The following CAT variants were observed in gnomAD, a reference collection of about 807,000 sequenced individuals.
The protein encoded by CAT is catalase.
Under a neutral mutation model 59.0 loss-of-function variants are expected in CAT, and 43 were observed. The ratio of observed to expected loss-of-function variants is 0.73; its 90% confidence interval spans 0.57 to 0.94. The LOEUF (loss-of-function observed/expected upper bound fraction) is 0.94, where lower values mean the gene tolerates loss of function less well. CAT is among the 40% of genes least tolerant of loss of function. The pLI is 0.00. For missense variants in CAT, 664 were observed against 682.9 expected, an observed-to-expected ratio of 0.97 and a Z score of 0.31; for synonymous variants, 218 against 230.9, an observed-to-expected ratio of 0.94 and a Z score of 0.51.
At chr11:34,461,052 G>A (rs902539402) in intron 8 of CAT, 199 bp from the exon 9 acceptor site, 6 of 668,280 alleles carry the variant, frequency 9.0e-6, no homozygotes, top group African/African-American at 8.9e-5. Context: ...GAGGGCCTGG[G>A]AAATTCAGAA....
intron 2 of CAT, among the ~76,000 whole-genome samples, chr11:34,450,458 G>A (rs1856511477): frequency 6.6e-6 from 1 of 152,178 alleles, no homozygotes; most frequent in Non-Finnish European, 1.5e-5. Flanking sequence ...TTTTCTCTTA[G>A]CTTGCTGACT....
chr11:34,449,612 A>G (rs1318176283), intron 2 of CAT, among the ~76,000 whole-genome samples: 1 of 152,256 alleles, frequency 6.6e-6, no homozygotes, highest in Non-Finnish European at 1.5e-5. Context: ...AAGGAATAAA[A>G]ATACAATAAG....
intron 11 of CAT, chr11:34,470,695 C>A: frequency 2.0e-6 from 1 of 492,810 alleles, no homozygotes; most frequent in Non-Finnish European, 3.7e-6. Context: ...GATTAGGTGT[C>A]ATTTTCTTGC....
At chr11:34,452,271 T>C (rs1856533172) in intron 4 of CAT, 64 bp downstream of exon 4, 1 of 1,525,682 alleles carries the variant, frequency 6.6e-7, no homozygotes, top group African/African-American at 1.4e-5. Context: ...TCAAATAGGT[T>C]GGCATTTGAG....
chr11:34,465,295 G>A (rs1856702338), intron 10 of CAT, among the ~76,000 whole-genome samples: 1 of 152,146 alleles, frequency 6.6e-6, no homozygotes. Flanking sequence ...TCGCTGTGAG[G>A]ATATCTTTGC....
chr11:34,460,623 A>AT lies in CAT; in HGVS notation c.1057-617dup, dbSNP rs1249336440. 1,459 of 151,318 alleles carry AT rather than the reference A, an allele frequency of 9.6e-3. 6 individuals are homozygous for AT. The highest frequency in any genetic ancestry group is 0.015 in the Non-Finnish European group (1,017 of 69,228). The allele number at this position is 151,318 out of a possible 1,614,324, so 9.4% of individuals were successfully genotyped here. The stretch of plus-strand genomic sequence containing the variant: ...GCCACCATGCTCGGCTAATGTTTTA[A>AT]TTTTTTTTTTTGTAGAGACAGGTCT... On this transcript the variant is annotated intron_variant, in intron 8 of 12. Transcript: ENST00000241052.
intron 1 of CAT, among the ~76,000 whole-genome samples, chr11:34,448,677 A>T (rs1225174279): frequency 1.3e-5 from 2 of 152,142 alleles, no homozygotes; most frequent in Non-Finnish European, 2.9e-5. Context: ...TTTTAATTGA[A>T]AAGAGATGTT....
chr11:34,448,780 A>G (rs557732522), intron 1 of CAT, among the ~76,000 whole-genome samples: 1 of 152,292 alleles, frequency 6.6e-6, no homozygotes, highest in East Asian at 1.9e-4. Context: ...AGTTCTGAGT[A>G]AAGTATTGAC....
rs1279033608 is a variant in CAT, at chr11:34,439,074, G to T, written c.61G>T (p.Ala21Ser). Reference sequence around the variant, plus strand: ...GCAGCACTGGAAGGAGCAGCGGGCCGCGCAGGTACACTCTGTGCTCCCCGA... The same window carrying T: ...GCAGCACTGGAAGGAGCAGCGGGCCTCGCAGGTACACTCTGTGCTCCCCGA... ...QMQHWKEQRAAQKADVLTTGA... is the reference protein window; with the variant it reads ...QMQHWKEQRASQKADVLTTGA... Residue 21 changes from alanine to serine, a missense_variant, in exon 1 of 13, where the codon GCG becomes TCG. Physicochemically the swap from Ala to Ser is moderately conservative, Grantham distance 99. Coordinates refer to ENST00000241052, the MANE Select transcript of CAT (RefSeq NM_001752.4). 4 of 1,589,100 alleles carry T rather than the reference G, an allele frequency of 2.5e-6. No homozygotes were observed. Among genetic ancestry groups the T allele is most frequent in the Non-Finnish European group, 3.4e-6 (4 of 1,167,848 alleles).
Position 34,459,009 on chromosome 11 carries a change from G to GT in CAT, c.1056+2202dup, listed in dbSNP as rs74373184. On this transcript the variant is annotated intron_variant, in intron 8 of 12. Coordinates refer to ENST00000241052, the MANE Select transcript of CAT (RefSeq NM_001752.4). ...AAATTCAGTGTACTCTTTATAGGTT[G>GT]TTTTTTTTTTAAATGAGTTTTAGAA... Among the ~76,000 whole-genome samples the GT allele has an allele frequency of 1.6e-3, 233 of 148,824 alleles. No individual in the cohort carries two copies. The East Asian group carries it at 0.026, about 17-fold the overall frequency.
rs1590303143 is a variant in CAT at position 34,453,901 on chromosome 11, C to G, written c.686C>G (p.Ala229Gly). Residue 229 changes from alanine (A) to glycine (G), a missense_variant, in exon 6 of 13, where the codon GCA becomes GGA. Coordinates refer to ENST00000241052, the MANE Select transcript of CAT (RefSeq NM_001752.4). The stretch of plus-strand genomic sequence containing the variant: ...AAGCTGGTTAATGCAAATGGGGAGG[C>G]AGTTTATTGCAAATTCCATTATAAG... ...TFKLVNANGE[A>G]VYCKFHYKTD... 6.2e-7 allele frequency: 1 copy of G among 1,613,888 alleles called. No homozygotes were observed.
rs757367250 is a variant in CAT, at chr11:34,449,341, A to T, written c.216A>T (p.Arg72Ser). ...AHFDRERIPE[R>S]VVHAKGAGAF... ...TTGACCGAGAGAGAATTCCTGAGAGAGTTGTGCATGCTAAAGGAGCAGGTA... is the reference window on the plus strand; with the variant it reads ...TTGACCGAGAGAGAATTCCTGAGAGTGTTGTGCATGCTAAAGGAGCAGGTA... Residue 72 changes from arginine to serine, a missense_variant, in exon 2 of 13, where the codon AGA becomes AGT. Arg to Ser is a moderately radical substitution (Grantham distance 110, BLOSUM62 -1). Coordinates refer to ENST00000241052, the MANE Select transcript of CAT (RefSeq NM_001752.4). The T allele has an allele frequency of 6.2e-7, 1 of 1,614,072 alleles. No individual in the cohort carries two copies. The highest frequency in any genetic ancestry group is 8.5e-7 in the Non-Finnish European group (1 of 1,179,996).
chr11:34,442,079 T>C (rs1007842474), intron 1 of CAT, among the ~76,000 whole-genome samples: 1 of 152,224 alleles, frequency 6.6e-6, no homozygotes, highest in Non-Finnish European at 1.5e-5. Flanking sequence ...CATTATGGTT[T>C]TAATTTGCTT....
Position 34,449,217 on chromosome 11 carries a change from C to G in CAT, c.92C>G (p.Ala31Gly), listed in dbSNP as rs563283646. The G allele has an allele frequency of 1.2e-6, 2 of 1,614,104 alleles. No individual in the cohort carries two copies. Among genetic ancestry groups the G allele is most frequent in the South Asian group, 2.2e-5 (2 of 91,080 alleles). The change falls in exon 2 of 13, where the codon GCT becomes GGT. Residue 31 changes from alanine (A) to glycine (G), a missense_variant. Ala to Gly is a moderately conservative substitution (Grantham distance 60). Coordinates refer to ENST00000241052, the MANE Select transcript of CAT (RefSeq NM_001752.4). The stretch of plus-strand genomic sequence containing the variant: ...AAAGCTGATGTCCTGACCACTGGAG[C>G]TGGTAACCCAGTAGGAGACAAACTT... ...AQKADVLTTG[A>G]GNPVGDKLNV...
intron 4 of CAT, among the ~76,000 whole-genome samples, chr11:34,452,652 G>A (rs375868185): frequency 6.6e-6 from 1 of 151,992 alleles, no homozygotes; most frequent in East Asian, 1.9e-4. Context: ...CCATGAGTTC[G>A]AGACCAGCCT....
At position 34,456,211 on chromosome 11, in the gene CAT, G is replaced by A; in HGVS notation, c.903+9G>A. 6.2e-7 allele frequency: 1 copy of A among 1,603,064 alleles called. No individual in the cohort carries two copies. Among genetic ancestry groups the A allele is most frequent in the Non-Finnish European group, 8.5e-7 (1 of 1,170,364 alleles). ...CATTCGATCTCACCAAGGTGAGTCA[G>A]TAAACAACTATATTGTTTTCTTTTT... On this transcript the variant is annotated intron_variant, in intron 7 of 12. Transcript: ENST00000241052.
At chr11:34,445,461 A>G (rs1350310213) in intron 1 of CAT, among the ~76,000 whole-genome samples, 1 of 125,508 alleles carries the variant, frequency 8.0e-6, no homozygotes, top group Non-Finnish European at 1.6e-5. Flanking sequence ...ATGCCACTGC[A>G]CTCCAGCCTG....
Position 34,456,667 on chromosome 11 carries a change from T to C in CAT, c.906T>C (p.Val302=). 6.2e-7 allele frequency: 1 copy of C among 1,614,116 alleles called. No individual in the cohort carries two copies. Among genetic ancestry groups the C allele is most frequent in the South Asian group, 1.1e-5 (1 of 91,086 alleles). ...FPFNPFDLTK[V]WPHKDYPLIP... The stretch of plus-strand genomic sequence containing the variant: ...TGTGAATATGACATCATTTTCAGGT[T>C]TGGCCTCACAAGGACTACCCTCTCA... Residue 302 remains valine (V), a splice_region_variant and synonymous_variant, in exon 8 of 13, where the codon GTT becomes GTC. Transcript: ENST00000241052.
At chr11:34,441,375 A>G (rs1356433568) in intron 1 of CAT, among the ~76,000 whole-genome samples, 2 of 152,184 alleles carry the variant, frequency 1.3e-5, no homozygotes, top group African/African-American at 4.8e-5. Flanking sequence ...AATTCATTCA[A>G]GTTGTTTCAT....
Sources: gnomAD v4.1 joint callset for allele counts (sites outside exome capture counted in the v4.1 genomes callset) on GRCh38, gnomAD v4.1.1 for gene constraint, MANE v1.5 for transcripts, NCBI Gene and HGNC (gene_info 2026-07-23, HGNC 2026-07-21) for gene names.